The following DCHS1 variants were observed in gnomAD, a reference collection of about 807,000 sequenced individuals.
The protein encoded by DCHS1 is protocadherin-16.
In DCHS1, 78 loss-of-function variants were observed where a neutral mutation model predicts 213.9. The ratio of observed to expected loss-of-function variants is 0.36; its 90% confidence interval spans 0.30 to 0.44. The LOEUF is 0.44. DCHS1 is among the 20% of genes least tolerant of loss of function. DCHS1 has a pLI of 1.00. For missense variants in DCHS1, 3,946 were observed against 4,395.9 expected (o/e 0.90, Z 2.89); for synonymous variants, 1,828 against 1,873.7 (o/e 0.98, Z 0.63).
At chr11:6,629,639 A>C in intron 11 of DCHS1, 33 bp downstream of exon 11, 1 of 1,612,632 alleles carries the variant, frequency 6.2e-7, no homozygotes. Context: ...GCCCCAGTCC[A>C]TCCCACTCAT....
In DCHS1 at chr11:6,622,745, C is replaced by T. The variant is rs7122587; in HGVS notation, c.8931G>A (p.Gln2977=). The T allele has an allele frequency of 0.21, 326,492 of 1,589,562 alleles. 34,970 individuals are homozygous for T. The highest frequency in any genetic ancestry group is 0.33 in the African/African-American group (24,643 of 74,442). ...GTGAGTCACTGGCTAGGGGTGCTGC[C>T]TGTGACATTGGGCCAGGGGCTGCCT... The part of the protein sequence containing the change: ...KAEAAPGPMS[Q]AAPLASDSLQ... The change falls in exon 21 of 21, where the codon CAG becomes CAA. Residue 2977 remains glutamine (Q), a synonymous_variant. Coordinates refer to ENST00000299441, the MANE Select transcript of DCHS1 (RefSeq NM_003737.4). The surrounding 1 kb of genome is among the most constrained non-coding windows in gnomAD (Gnocchi z 5.4).
In DCHS1 at chr11:6,622,552, C is replaced by T; in HGVS notation, c.9124G>A (p.Asp3042Asn). Residue 3042 changes from aspartate to asparagine, a missense_variant, in exon 21 of 21, where the codon GAT (aspartate) becomes AAT (asparagine). By Grantham distance (23) the Asp-to-Asn change is conservative. This residue lies in a region of DCHS1 where 554 missense variants were observed against 590.2 expected (regional missense o/e 0.94). Coordinates refer to ENST00000299441, the MANE Select transcript of DCHS1 (RefSeq NM_003737.4). This position sits in a 1 kb window ranked among gnomAD's most constrained non-coding sequence, Gnocchi z 5.4. ...AACTCATTGATCATGCGGATCTCATCATCCTCTGCAGCCTCTGCTGATCCT... is the reference window on the plus strand; with the variant it reads ...AACTCATTGATCATGCGGATCTCATTATCCTCTGCAGCCTCTGCTGATCCT... ...GRGSAEAAED[D>N]EIRMINEFPR... 1.9e-6 allele frequency: 3 copies of T among 1,581,094 alleles called. No homozygotes were observed. Among genetic ancestry groups the T allele is most frequent in the Non-Finnish European group, 2.6e-6 (3 of 1,164,276 alleles).
chr11:6,630,236 C>T lies in DCHS1; in HGVS notation c.4558G>A (p.Ala1520Thr). Residue 1520 changes from alanine to threonine, a missense_variant, in exon 10 of 21, where the codon GCC becomes ACC. Ala to Thr is a moderately conservative substitution (Grantham distance 58). Around this residue, in one of 3 missense-constraint regions of DCHS1, gnomAD observed 3,384 missense variants for 3,780.1 expected, o/e 0.90. Transcript: ENST00000299441. The stretch of plus-strand genomic sequence containing the variant: ...GCTGCACGACGGCGGCTGGCGTTGG[C>T]GGGCCGGTCGGTGGCTTCCACCAGC... ...LLLVEATDRP[A>T]NASRRRAARV... 1.3e-6 allele frequency: 2 copies of T among 1,550,286 alleles called. No homozygotes were observed. The highest frequency in any genetic ancestry group is 1.7e-6 in the Non-Finnish European group (2 of 1,150,718).
In DCHS1 at chr11:6,655,747, C is replaced by A. The variant is rs1402912893; in HGVS notation, c.-305G>T. 2.0e-6 allele frequency: 2 copies of A among 980,454 alleles called. No homozygotes were observed. The highest frequency in any genetic ancestry group is 1.8e-5 in the African/African-American group (1 of 56,670). 60.7% of individuals were successfully genotyped at this position (980,454 alleles called of 1,614,324 possible). On this transcript the variant is annotated 5_prime_UTR_variant, in exon 1 of 21. Transcript: ENST00000299441. ...GCGCGCCCTTGGCCGTCGATCGGTCCGTCCGCTGACGCCCGGGCGCCGCCT... is the reference window on the plus strand; with the variant it reads ...GCGCGCCCTTGGCCGTCGATCGGTCAGTCCGCTGACGCCCGGGCGCCGCCT...
chr11:6,626,976 G>A lies in DCHS1; in HGVS notation c.6063C>T (p.Arg2021=), dbSNP rs779485621. Residue 2021 remains arginine (R), a synonymous_variant, in exon 14 of 21, where the codon CGC becomes CGT. Coordinates refer to ENST00000299441, the MANE Select transcript of DCHS1 (RefSeq NM_003737.4). The surrounding 1 kb of genome is among the most constrained non-coding windows in gnomAD (Gnocchi z 5.2). ...TTVDSYTGEI[R]VARSPVALGP... is the part of the protein sequence containing the mutation. ...CTAGAGCTACAGGAGAGCGGGCCAC[G>A]CGGATTTCACCAGTGTAAGAGTCCA... 54 of 1,613,642 alleles carry A rather than the reference G, an allele frequency of 3.3e-5. 1 individual carries two copies. The South Asian group carries it at 4.4e-4, about 13-fold the overall frequency.
Position 6,624,071 on chromosome 11 carries a change from G to A in DCHS1, c.7605C>T (p.Pro2535=), listed in dbSNP as rs925417266. Residue 2535 remains proline, a synonymous_variant, in exon 21 of 21, where the codon CCC becomes CCT. Coordinates refer to ENST00000299441, the MANE Select transcript of DCHS1 (RefSeq NM_003737.4). ...GNWGRVFQLE[P]RLAEAGESAG... is the part of the protein sequence containing the mutation. ...CACTCTCCCCAGCCTCAGCCAGCCT[G>A]GGTTCCAGCTGGAAGACTCGGCCCC... 4.3e-6 allele frequency: 7 copies of A among 1,613,028 alleles called. No individual in the cohort carries two copies. The highest frequency in any genetic ancestry group is 1.1e-5 in the South Asian group (1 of 91,048).
At chr11:6,633,167 A>C in intron 5 of DCHS1, 111 bp from the exon 6 acceptor site, 1 of 1,344,520 alleles carries the variant, frequency 7.4e-7, no homozygotes, top group South Asian at 1.5e-5. Context: ...CATGCCTTTC[A>C]AAATATTAGG....
At position 6,627,440 on chromosome 11, in the gene DCHS1, C is replaced by A. The variant is rs779396442; in HGVS notation, c.5599G>T (p.Asp1867Tyr). ...VPAYSVEVPE[D>Y]VPAGTLLLQL... The stretch of plus-strand genomic sequence containing the variant: ...AGCAGCAGGGTCCCTGCAGGCACAT[C>A]CTCCGGCACCTCCACCGAGTAGGCA... The change falls in exon 14 of 21, where the codon GAT (aspartate) becomes TAT (tyrosine). Residue 1867 changes from aspartate (D) to tyrosine (Y), a missense_variant. Asp to Tyr is a radical substitution (Grantham distance 160). Transcript: ENST00000299441. The surrounding 1 kb of genome is among the most constrained non-coding windows in gnomAD (Gnocchi z 5.4). 1.5e-5 allele frequency: 24 copies of A among 1,610,406 alleles called. No homozygotes were observed. In the South Asian group the frequency reaches 2.2e-4, roughly 15 times the overall value.
At chr11:6,643,521 C>T (rs930603932) in intron 1 of DCHS1, among the ~76,000 whole-genome samples, 12 of 152,082 alleles carry the variant, frequency 7.9e-5, no homozygotes, top group African/African-American at 2.4e-4. Context: ...ACACTGTGAC[C>T]CCCACCTCTT....
chr11:6,639,715 A>G (rs1564868392), intron 2 of DCHS1, 102 bp downstream of exon 2: 1 of 996,230 alleles, frequency 1.0e-6, no homozygotes, highest in East Asian at 2.5e-5. Context: ...AGCATAAGTC[A>G]CCATCAACAG....
chr11:6,644,923 T>C (rs924326733), intron 1 of DCHS1, among the ~76,000 whole-genome samples: 2 of 152,180 alleles, frequency 1.3e-5, no homozygotes, highest in African/African-American at 4.8e-5. Flanking sequence ...GGTTTCTGAC[T>C]CCCCTACTTA....
In DCHS1 at chr11:6,621,908, G is replaced by A. The variant is rs1461708163; in HGVS notation, c.9768C>T (p.Pro3256=). The A allele has an allele frequency of 2.5e-6, 4 of 1,613,120 alleles. No individual in the cohort carries two copies. Among genetic ancestry groups the A allele is most frequent in the Non-Finnish European group, 3.4e-6 (4 of 1,179,560 alleles). Residue 3256 remains proline (P), a synonymous_variant, in exon 21 of 21, where the codon CCC becomes CCT. Transcript: ENST00000299441. The stretch of plus-strand genomic sequence containing the variant: ...AGCGAGCAGCCAGAGGAGACAGAGA[G>A]GGTGAGAAGCTGGGGGACATGGCAG... ...SSAAMSPSFS[P]SLSPLAARSP... is the part of the protein sequence containing the mutation.
Position 6,627,679 on chromosome 11 carries a change from G to T in DCHS1, c.5372-12C>A. On this transcript the variant is annotated splice_polypyrimidine_tract_variant and intron_variant, in intron 13 of 20. Transcript: ENST00000299441. The surrounding 1 kb of genome is among the most constrained non-coding windows in gnomAD (Gnocchi z 5.4). ...TGATGGGTCCCCATCTGCAGAGAAG[G>T]GCATGCACATATAAATATACATGTG... 6.2e-7 allele frequency: 1 copy of T among 1,606,888 alleles called. No homozygotes were observed. Among genetic ancestry groups the T allele is most frequent in the Admixed American group, 1.7e-5 (1 of 59,734 alleles).
At position 6,634,159 on chromosome 11, in the gene DCHS1, C is replaced by A; in HGVS notation, c.1945G>T (p.Gly649Trp). ...ACTGTGAAGTCAAAGCTTGAGGGCCCCTGGTCACGGTCCAGGGTCCGGGTT... is the reference window on the plus strand; with the variant it reads ...ACTGTGAAGTCAAAGCTTGAGGGCCACTGGTCACGGTCCAGGGTCCGGGTT... ...CTTRTLDRDQ[G>W]PSSFDFTVTA... is the part of the protein sequence containing the mutation. Residue 649 changes from glycine (G) to tryptophan (W), a missense_variant, in exon 3 of 21, where the codon GGG becomes TGG. Gly to Trp is a radical substitution (Grantham distance 184, BLOSUM62 -2). Coordinates refer to ENST00000299441, the MANE Select transcript of DCHS1 (RefSeq NM_003737.4). 6.2e-7 allele frequency: 1 copy of A among 1,610,542 alleles called. No homozygotes were observed.
chr11:6,625,529 T>A lies in DCHS1; in HGVS notation c.6863-48A>T, dbSNP rs1462454025. The A allele has an allele frequency of 6.2e-7, 1 of 1,610,424 alleles. No individual in the cohort carries two copies. The highest frequency in any genetic ancestry group is 2.2e-5 in the East Asian group (1 of 44,880). ...GTTTGGCAATGGACACAGCCCCACCTTGAGCTGCAGGGTGGAGAAAAATGT... is the reference window on the plus strand; with the variant it reads ...GTTTGGCAATGGACACAGCCCCACCATGAGCTGCAGGGTGGAGAAAAATGT... On this transcript the variant is annotated intron_variant, in intron 18 of 20. Transcript: ENST00000299441. The surrounding 1 kb of genome is among the most constrained non-coding windows in gnomAD (Gnocchi z 5.3).
In DCHS1 at chr11:6,623,247, T is replaced by C; in HGVS notation, c.8429A>G (p.Asp2810Gly). 1 of 1,590,964 alleles carries C rather than the reference T, an allele frequency of 6.3e-7. No individual in the cohort carries two copies. The highest frequency in any genetic ancestry group is 8.6e-7 in the Non-Finnish European group (1 of 1,168,578). The change falls in exon 21 of 21, where the codon GAC becomes GGC. Residue 2810 changes from aspartate to glycine, a missense_variant. By Grantham distance (94) the Asp-to-Gly change is moderately conservative. Around this residue, in one of 3 missense-constraint regions of DCHS1, gnomAD observed 3,384 missense variants for 3,780.1 expected, o/e 0.90. Coordinates refer to ENST00000299441, the MANE Select transcript of DCHS1 (RefSeq NM_003737.4). ...SVLVTGEDEY[D>G]PVFLAPAFHF... Reference sequence around the variant, plus strand: ...GAAAGCTGGTGCCAGAAATACAGGGTCATACTCATCCTCTCCAGTCACTAG... The same window carrying C: ...GAAAGCTGGTGCCAGAAATACAGGGCCATACTCATCCTCTCCAGTCACTAG...
intron 1 of DCHS1, among the ~76,000 whole-genome samples, chr11:6,654,419 G>C (rs1370126399): frequency 6.6e-6 from 1 of 152,194 alleles, no homozygotes; most frequent in Non-Finnish European, 1.5e-5. Flanking sequence ...AGAGGTGCTG[G>C]TCTACTTGTT....
Position 6,630,245 on chromosome 11 carries a change from C to A in DCHS1, c.4549G>T (p.Asp1517Tyr). The A allele has an allele frequency of 1.3e-6, 2 of 1,547,072 alleles. No homozygotes were observed. Among genetic ancestry groups the A allele is most frequent in the East Asian group, 2.4e-5 (1 of 40,982 alleles). ...CGGCGGCTGGCGTTGGCGGGCCGGT[C>A]GGTGGCTTCCACCAGCAGCAGCAGC... ...PALLLLVEAT[D>Y]RPANASRRRA... The change falls in exon 10 of 21, where the codon GAC becomes TAC. Residue 1517 changes from aspartate (D) to tyrosine (Y), a missense_variant. By Grantham distance (160) the Asp-to-Tyr change is radical (BLOSUM62 -3). Around this residue, in one of 3 missense-constraint regions of DCHS1, gnomAD observed 3,384 missense variants for 3,780.1 expected, o/e 0.90. Transcript: ENST00000299441.
intron 2 of DCHS1, among the ~76,000 whole-genome samples, chr11:6,639,071 C>A (rs1159508530): frequency 1.3e-5 from 2 of 151,492 alleles, no homozygotes; most frequent in African/African-American, 4.8e-5. Flanking sequence ...GATCATGCCA[C>A]CGCACTCCAG....
Sources: allele counts gnomAD v4.1 joint callset (sites outside exome capture counted in the v4.1 genomes callset), GRCh38; gene constraint gnomAD v4.1.1; regional missense constraint gnomAD v4.1.1; non-coding constraint Gnocchi (gnomAD v3.1); transcripts MANE v1.5; gene names NCBI Gene and HGNC (gene_info 2026-07-23, HGNC 2026-07-21).